Variants in MYO10 observed in about 807,000 individuals in gnomAD.
MYO10 encodes myosin X, also known as unconventional myosin-X.
Under a neutral mutation model 257.3 loss-of-function variants are expected in MYO10, and 133 were observed. The ratio of observed to expected loss-of-function variants is 0.52; its 90% confidence interval spans 0.45 to 0.60. MYO10 has a LOEUF of 0.60. MYO10 is among the 20% of genes least tolerant of loss of function. MYO10 has a pLI of 0.00. For missense variants in MYO10, 2,399 were observed against 2,635.7 expected, an observed-to-expected ratio of 0.91 and a Z score of 1.97; for synonymous variants, 1,104 against 1,028.6, an observed-to-expected ratio of 1.07 and a Z score of -1.40.
intron 3 of MYO10, among the ~76,000 whole-genome samples, chr5:16,802,930 C>CCT (rs1160843564): frequency 6.9e-6 from 1 of 145,738 alleles, no homozygotes; most frequent in African/African-American, 2.5e-5. Flanking sequence ...ACAGTGAGAT[C>CCT]CTCTCTCTCA....
At position 16,901,754 on chromosome 5, in the gene MYO10, T is replaced by C. The variant is rs545947992; in HGVS notation, c.22-24047A>G. Among the ~76,000 whole-genome samples, 8 of 152,332 alleles carry C rather than the reference T, an allele frequency of 5.3e-5. No homozygotes were observed. The South Asian group carries it at 1.7e-3, about 32-fold the overall frequency. ...CAGGCACCTGATTCACTCACAGCCT[T>C]GCCCTCTGTGCTACCCCAGTGCAGA... is the stretch of plus-strand genomic sequence containing the variant. On this transcript the variant is annotated intron_variant, in intron 1 of 40. Coordinates refer to ENST00000513610, the MANE Select transcript of MYO10 (RefSeq NM_012334.3).
chr5:16,903,874 G>A (rs1037585152), intron 1 of MYO10, among the ~76,000 whole-genome samples: 1 of 152,188 alleles, frequency 6.6e-6, no homozygotes, highest in Non-Finnish European at 1.5e-5. Flanking sequence ...TCCATGAGCT[G>A]AAGTATTTGA....
At chr5:16,882,687 T>C (rs1389053874) in intron 1 of MYO10, among the ~76,000 whole-genome samples, 5 of 152,044 alleles carry the variant, frequency 3.3e-5, no homozygotes, top group African/African-American at 1.2e-4. Flanking sequence ...TTATATGAAG[T>C]TTCTGGAAAA....
At chr5:16,699,786 CAAAAAAAA>C (rs1203905060) in intron 25 of MYO10, 5 of 53,304 alleles carry the variant, frequency 9.4e-5, no homozygotes, top group Non-Finnish European at 1.8e-4. Flanking sequence ...GCCTCAGTCT[CAAAAAAAA>C]AAAAAAAAAA....
At chr5:16,696,635 A>G (rs552891562) in intron 26 of MYO10, among the ~76,000 whole-genome samples, 1 of 66,720 alleles carries the variant, frequency 1.5e-5, no homozygotes, top group African/African-American at 6.9e-5. Context: ...AGGCGGGTGG[A>G]TCACAAGGTC....
intron 2 of MYO10, among the ~76,000 whole-genome samples, chr5:16,835,492 G>GGTTTTTT (rs1554001243): frequency 9.9e-5 from 8 of 81,086 alleles, no homozygotes; most frequent in Non-Finnish European, 1.1e-4. Context: ...ATTTTTGGCT[G>GGTTTTTT]TTTTTTTTTT....
chr5:16,846,326 A>G (rs1743634514), intron 2 of MYO10, among the ~76,000 whole-genome samples: 1 of 152,202 alleles, frequency 6.6e-6, no homozygotes. Context: ...ACCACCTTGA[A>G]GTCACTCAAG....
At chr5:16,865,960 C>T (rs1391488020) in intron 2 of MYO10, among the ~76,000 whole-genome samples, 1 of 150,270 alleles carries the variant, frequency 6.7e-6, no homozygotes, top group Non-Finnish European at 1.5e-5. Context: ...GCCACTAATA[C>T]ATTTAAAATT....
At chr5:16,873,243 G>C (rs185520382) in intron 2 of MYO10, among the ~76,000 whole-genome samples, 2 of 152,318 alleles carry the variant, frequency 1.3e-5, no homozygotes, top group African/African-American at 4.8e-5. Context: ...ACAGGGCACA[G>C]ACAAGTCTGA....
At chr5:16,687,389 C>G (rs1737299782) in intron 28 of MYO10, among the ~76,000 whole-genome samples, 1 of 150,956 alleles carries the variant, frequency 6.6e-6, no homozygotes, top group African/African-American at 2.4e-5. Flanking sequence ...AACAAAGCAT[C>G]AGGAAAATGA....
At chr5:16,855,323 A>G (rs76352532) in intron 2 of MYO10, among the ~76,000 whole-genome samples, 1,845 of 152,300 alleles carry the variant, frequency 0.012, 35 homozygotes, top group Middle Eastern at 0.034. Flanking sequence ...GGGAACATCC[A>G]AAATTCAGGG....
intron 9 of MYO10, among the ~76,000 whole-genome samples, chr5:16,772,755 C>T (rs1579974644): frequency 6.6e-6 from 1 of 152,032 alleles, no homozygotes; most frequent in African/African-American, 2.4e-5. Context: ...CAACGGAATA[C>T]CAAAAAAAGC....
chr5:16,889,302 A>T (rs2126772422), intron 1 of MYO10, among the ~76,000 whole-genome samples: 1 of 151,984 alleles, frequency 6.6e-6, no homozygotes, highest in South Asian at 2.1e-4. Context: ...GGCAGTCGGG[A>T]GGCTGAGGCA....
chr5:16,812,142 G>A (rs989559320), intron 3 of MYO10, among the ~76,000 whole-genome samples: 1 of 152,154 alleles, frequency 6.6e-6, no homozygotes, highest in Admixed American at 6.5e-5. Flanking sequence ...GTGGAAACCT[G>A]GGGCCCCTGG....
At chr5:16,746,927 T>G (rs1244435591) in intron 19 of MYO10, among the ~76,000 whole-genome samples, 1 of 152,232 alleles carries the variant, frequency 6.6e-6, no homozygotes, top group African/African-American at 2.4e-5. Flanking sequence ...TGTTAAAATC[T>G]AATGTTTAAT....
chr5:16,826,019 G>A (rs954576645), intron 2 of MYO10, among the ~76,000 whole-genome samples: 1 of 151,876 alleles, frequency 6.6e-6, no homozygotes, highest in African/African-American at 2.4e-5. Context: ...ATGGTGGTGG[G>A]TGCCTGTAAT....
At chr5:16,783,575 G>T in intron 4 of MYO10, 106 bp from the exon 5 acceptor site, 1 of 1,247,896 alleles carries the variant, frequency 8.0e-7, no homozygotes, top group Non-Finnish European at 1.1e-6. Context: ...TGGTAGAAAG[G>T]TGGGAAGAGG....
chr5:16,829,908 C>A (rs753592156), intron 2 of MYO10, among the ~76,000 whole-genome samples: 2 of 151,952 alleles, frequency 1.3e-5, no homozygotes, highest in Non-Finnish European at 2.9e-5. Context: ...CACACGCACA[C>A]GCACACGCAC....
intron 3 of MYO10, among the ~76,000 whole-genome samples, chr5:16,814,040 G>A (rs1400607421): frequency 3.9e-5 from 6 of 152,268 alleles, no homozygotes; most frequent in South Asian, 4.1e-4. Context: ...AGCAGGAAAC[G>A]GATCCTCCTC....
Sources: allele counts gnomAD v4.1 joint callset (sites outside exome capture counted in the v4.1 genomes callset), GRCh38; gene constraint gnomAD v4.1.1; transcripts MANE v1.5; gene names NCBI Gene and HGNC (gene_info 2026-07-23, HGNC 2026-07-21).